NHSL2: variants seen among roughly 807,000 people sequenced by gnomAD.
NHSL2 encodes the protein NHS-like protein 2.
A neutral mutation model predicts 53.4 loss-of-function variants in NHSL2; 27 were observed. That is an observed-to-expected ratio of 0.51 (90% CI 0.37 to 0.70). The LOEUF is 0.70. Ranked by LOEUF, NHSL2 falls within the 30% of genes least tolerant of loss-of-function variation. The pLI, the probability that NHSL2 is intolerant of heterozygous loss-of-function variation, is 0.00. For missense variants in NHSL2, 892 were observed against 980.1 expected (o/e 0.91, Z 1.20); for synonymous variants, 408 against 404.1 (o/e 1.01, Z -0.12).
In NHSL2 at chrX:72,152,468, C is replaced by T. The variant is rs1464320880; in HGVS notation, c.*8894C>T. On this transcript the variant is annotated 3_prime_UTR_variant, in exon 8 of 8. Coordinates refer to ENST00000633930, the MANE Select transcript of NHSL2 (RefSeq NM_001013627.3). ...GTCAAGAAGGGGATGGTGGGGGCTC[C>T]TGAAGCATTTGCCCTTTCTTGCCTC... 8.9e-6 allele frequency: 1 copy of T among 111,865 alleles called. No homozygotes were observed. The allele number at this position is 111,865 out of a possible 1,213,427, so 9.2% of individuals were successfully genotyped here.
intron 1 of NHSL2, among the ~76,000 whole-genome samples, chrX:72,026,983 T>C (rs868051961): frequency 7.9e-4 from 88 of 112,042 alleles, no homozygotes; most frequent in African/African-American, 2.8e-3. Flanking sequence ...AGGGCTGCAG[T>C]GATGATCTTT....
intron 1 of NHSL2, among the ~76,000 whole-genome samples, chrX:72,026,994 T>C (rs938695166): frequency 8.9e-6 from 1 of 112,391 alleles, no homozygotes; most frequent in African/African-American, 3.2e-5. Flanking sequence ...GATGATCTTT[T>C]CAATGTGTGA....
chrX:72,029,834 C>T (rs185614885), intron 1 of NHSL2, among the ~76,000 whole-genome samples: 123 of 112,249 alleles, frequency 1.1e-3, no homozygotes, highest in African/African-American at 3.7e-3. Flanking sequence ...AGGGTGACTT[C>T]ATGAAAGAAG....
intron 1 of NHSL2, among the ~76,000 whole-genome samples, chrX:71,927,547 T>C (rs1490525488): frequency 1.8e-5 from 2 of 110,675 alleles, no homozygotes; most frequent in Non-Finnish European, 3.8e-5. Flanking sequence ...CTTGTTTTCT[T>C]TCTTTTTTTT....
chrX:72,000,537 C>A (rs2042068055), intron 1 of NHSL2, among the ~76,000 whole-genome samples: 1 of 112,248 alleles, frequency 8.9e-6, no homozygotes, highest in Admixed American at 9.5e-5. Flanking sequence ...AGATTGGTCT[C>A]ACTGGACTAA....
At chrX:71,946,809 C>G (rs2041794882) in intron 1 of NHSL2, among the ~76,000 whole-genome samples, 1 of 112,195 alleles carries the variant, frequency 8.9e-6, no homozygotes, top group East Asian at 2.8e-4. Flanking sequence ...ATGTTCACTC[C>G]TACCACTTGC....
rs1228964169 is a variant in NHSL2, at chrX:72,069,602, G to A, written c.281-62477G>A. Reference sequence around the variant, plus strand: ...GGGAGGAGCACAGGCAGAGGAGGAGGAGGAGGAGTAGGAGGAGGAGGAGGA... The same window carrying A: ...GGGAGGAGCACAGGCAGAGGAGGAGAAGGAGGAGTAGGAGGAGGAGGAGGA... On this transcript the variant is annotated intron_variant, in intron 1 of 7. Coordinates refer to ENST00000633930, the MANE Select transcript of NHSL2 (RefSeq NM_001013627.3). 5.5e-6 allele frequency: 4 copies of A among 733,754 alleles called. No homozygotes were observed. In the African/African-American group the frequency reaches 9.0e-5, roughly 16 times the overall value. The allele number at this position is 733,754 out of a possible 1,213,427, so 60.5% of individuals were successfully genotyped here. A position where few individuals can be genotyped will look rare whatever the true frequency, so the allele number is the denominator to read the frequency against.
chrX:72,018,216 G>A (rs746929706), intron 1 of NHSL2, among the ~76,000 whole-genome samples: 7 of 111,373 alleles, frequency 6.3e-5, no homozygotes, highest in African/African-American at 1.6e-4. Flanking sequence ...GAGGACCTGG[G>A]AGGTTAGGGG....
intron 1 of NHSL2, among the ~76,000 whole-genome samples, chrX:72,118,807 T>A (rs2042160543): frequency 8.9e-6 from 1 of 112,204 alleles, no homozygotes; most frequent in African/African-American, 3.2e-5. Flanking sequence ...TTCTCTTATG[T>A]TATTTGTGCT....
chrX:72,065,403 C>G (rs746306712), intron 1 of NHSL2, among the ~76,000 whole-genome samples: 32 of 112,236 alleles, frequency 2.9e-4, no homozygotes, highest in African/African-American at 1.0e-3. Flanking sequence ...TCCAGGACAT[C>G]TATGTTTAAG....
intron 1 of NHSL2, chrX:72,131,124 C>T (rs780362788): frequency 2.0e-4 from 236 of 1,194,918 alleles, no homozygotes; most frequent in Non-Finnish European, 2.6e-4. Flanking sequence ...GTTGCGGGGG[C>T]GGTTCCTTTG....
chrX:72,047,024 G>A (rs953067437), intron 1 of NHSL2, among the ~76,000 whole-genome samples: 1 of 112,044 alleles, frequency 8.9e-6, no homozygotes, highest in Non-Finnish European at 1.9e-5. Flanking sequence ...ACTTAGGTTT[G>A]TTTAACTCAA....
intron 1 of NHSL2, among the ~76,000 whole-genome samples, chrX:71,939,109 T>C (rs1350078514): frequency 5.4e-5 from 6 of 111,694 alleles, no homozygotes; most frequent in Non-Finnish European, 9.4e-5. Context: ...AGAGGAATAG[T>C]CCTTCATCTA....
intron 1 of NHSL2, among the ~76,000 whole-genome samples, chrX:72,071,681 G>A (rs1006349993): frequency 1.8e-5 from 2 of 110,505 alleles, no homozygotes; most frequent in African/African-American, 3.3e-5. Flanking sequence ...ACTCCCACTG[G>A]GCTAAACTTG....
In NHSL2 at chrX:72,139,038, G is replaced by A. The variant is rs764033024; in HGVS notation, c.1490G>A (p.Arg497Gln). ...GPGGASRFRERSLSVPTDSGT... is the reference protein window; with the variant it reads ...GPGGASRFREQSLSVPTDSGT... ...GGTGGGGCCAGCAGATTCCGGGAGC[G>A]GTCACTGTCTGTGCCCACAGACTCA... The change falls in exon 6 of 8, where the codon CGG becomes CAG. Residue 497 changes from arginine to glutamine, a missense_variant. Physicochemically the swap from Arg to Gln is conservative, Grantham distance 43. Coordinates refer to ENST00000633930, the MANE Select transcript of NHSL2 (RefSeq NM_001013627.3). 3.6e-5 allele frequency: 42 copies of A among 1,170,883 alleles called. No individual in the cohort carries two copies. Among genetic ancestry groups the A allele is most frequent in the Middle Eastern group, 2.5e-4 (1 of 4,032 alleles).
intron 1 of NHSL2, among the ~76,000 whole-genome samples, chrX:71,918,262 G>A (rs1037349935): frequency 8.1e-5 from 9 of 111,768 alleles, no homozygotes; most frequent in African/African-American, 2.9e-4. Context: ...TGTGAGTGGG[G>A]AAATTTGAGG....
At position 72,114,927 on chromosome X, in the gene NHSL2, G is replaced by A. The variant is rs1282538844; in HGVS notation, c.281-17152G>A. On this transcript the variant is annotated intron_variant, in intron 1 of 7. Transcript: ENST00000633930. ...GAAGCCTGGCTTCATCTTCCACTCC[G>A]AGCTGTGATCTCCATTCCTGATTTG... Among the ~76,000 whole-genome samples the A allele has an allele frequency of 1.8e-4, 20 of 112,125 alleles. No homozygotes were observed. The Admixed American group carries it at 1.8e-3, about 10-fold the overall frequency.
chrX:72,027,009 G>A (rs190633746), intron 1 of NHSL2, among the ~76,000 whole-genome samples: 9 of 112,513 alleles, frequency 8.0e-5, no homozygotes, highest in Non-Finnish European at 1.5e-4. Flanking sequence ...GTGTGAAGAA[G>A]GGAAACTGTG....
rs746034015 is a variant in NHSL2 at position 72,130,817 on chromosome X, G to C, written c.281-1262G>C. ...GTACAGTGGCCCTGCTTGAGCTTGC[G>C]AATGGCCTTTTTAGCCACACGTGGG... On this transcript the variant is annotated intron_variant, in intron 1 of 7. Transcript: ENST00000633930. 8.3e-7 allele frequency: 1 copy of C among 1,209,823 alleles called. No individual in the cohort carries two copies. Among genetic ancestry groups the C allele is most frequent in the Non-Finnish European group, 1.1e-6 (1 of 895,090 alleles).
Sources: allele counts gnomAD v4.1 joint callset (sites outside exome capture counted in the v4.1 genomes callset), GRCh38; gene constraint gnomAD v4.1.1; transcripts MANE v1.5; gene names NCBI Gene and HGNC (gene_info 2026-07-23, HGNC 2026-07-21).